DTNA: variants seen among roughly 807,000 people sequenced by gnomAD.
DTNA encodes the protein dystrobrevin alpha.
A neutral mutation model predicts 100.7 loss-of-function variants in DTNA; 43 were observed. The ratio of observed to expected loss-of-function variants is 0.43; its 90% CI spans 0.33 to 0.55. The LOEUF is 0.55. Among genes scored for constraint, DTNA ranks in the 20% least tolerant of loss-of-function variants. The pLI is 0.04. For synonymous variants in DTNA, 349 were observed against 347.9 expected, an observed-to-expected ratio of 1.00 and a Z score of -0.04; for missense variants, 798 against 953.9, an observed-to-expected ratio of 0.84 and a Z score of 2.15.
At chr18:34,801,314 C>T (rs925059960) in intron 4 of DTNA, among the ~76,000 whole-genome samples, 1 of 151,860 alleles carries the variant, frequency 6.6e-6, no homozygotes, top group Non-Finnish European at 1.5e-5. Context: ...TTTTGAATGT[C>T]GATCTAGAAC....
intron 1 of DTNA, among the ~76,000 whole-genome samples, chr18:34,605,057 A>G (rs1220721817): frequency 6.6e-6 from 1 of 151,752 alleles, no homozygotes; most frequent in Non-Finnish European, 1.5e-5. Context: ...TGCATACATT[A>G]TTTTACAAAA....
chr18:34,800,341 T>C (rs2095160270), intron 4 of DTNA, among the ~76,000 whole-genome samples: 1 of 152,204 alleles, frequency 6.6e-6, no homozygotes, highest in African/African-American at 2.4e-5. Flanking sequence ...TGACCCTTTA[T>C]CTCCAACATG....
intron 1 of DTNA, among the ~76,000 whole-genome samples, chr18:34,549,256 C>T (rs763911471): frequency 6.6e-6 from 1 of 152,058 alleles, no homozygotes; most frequent in Admixed American, 6.6e-5. Flanking sequence ...GAACATAAAT[C>T]GGCATCTTCT....
intron 11 of DTNA, among the ~76,000 whole-genome samples, chr18:34,835,234 G>T (rs1011404278): frequency 2.6e-5 from 4 of 152,222 alleles, no homozygotes; most frequent in African/African-American, 9.6e-5. Flanking sequence ...TCTGGCACTA[G>T]AAATTAAGAG....
Position 34,623,819 on chromosome 18 carries a change from C to T in DTNA, c.-2+130305C>T, listed in dbSNP as rs553169001. On this transcript the variant is annotated intron_variant, in intron 1 of 19. Transcript: ENST00000283365. The stretch of plus-strand genomic sequence containing the variant: ...AATGCAGTCACACCATTGAATGAGG[C>T]ATCAGTGTTGTTCTCTGAAAGCTGC... Among the ~76,000 whole-genome samples, 4 of 152,312 alleles carry T rather than the reference C, an allele frequency of 2.6e-5. No individual in the cohort carries two copies. In the South Asian group the frequency reaches 6.2e-4, roughly 24 times the overall value.
At chr18:34,493,927 G>C (rs2038853895) in intron 1 of DTNA, 1 of 148,002 alleles carries the variant, frequency 6.8e-6, no homozygotes, top group Non-Finnish European at 1.5e-5. Flanking sequence ...ACTGCGGCGC[G>C]GCGCCTCCCC....
At chr18:34,633,856 T>C (rs1342863671) in intron 1 of DTNA, among the ~76,000 whole-genome samples, 3 of 152,196 alleles carry the variant, frequency 2.0e-5, no homozygotes, top group East Asian at 1.9e-4. Flanking sequence ...AAAACTTCAA[T>C]CAACTGTTTG....
chr18:34,567,354 T>C (rs193302376), intron 1 of DTNA, among the ~76,000 whole-genome samples: 1 of 152,330 alleles, frequency 6.6e-6, no homozygotes, highest in Admixed American at 6.5e-5. Flanking sequence ...AGTTGAGCTT[T>C]AAAATTAGGT....
intron 1 of DTNA, among the ~76,000 whole-genome samples, chr18:34,516,241 GT>G (rs2041601184): frequency 6.6e-6 from 1 of 152,106 alleles, no homozygotes; most frequent in African/African-American, 2.4e-5. Flanking sequence ...AAACTAGCAA[GT>G]TTTTATTAGT....
intron 1 of DTNA, among the ~76,000 whole-genome samples, chr18:34,727,847 G>A (rs1388168152): frequency 1.3e-5 from 2 of 152,150 alleles, no homozygotes; most frequent in African/African-American, 2.4e-5. Context: ...TTACAGGTGT[G>A]AGCCACTGCA....
intron 1 of DTNA, among the ~76,000 whole-genome samples, chr18:34,702,616 T>C (rs1234976357): frequency 6.6e-6 from 1 of 152,178 alleles, no homozygotes; most frequent in Non-Finnish European, 1.5e-5. Context: ...TCTCCCTTGA[T>C]CTAGCCCCTA....
chr18:34,603,045 A>G (rs1041076438), intron 1 of DTNA, among the ~76,000 whole-genome samples: 2 of 151,602 alleles, frequency 1.3e-5, no homozygotes, highest in Admixed American at 1.3e-4. Context: ...ATTTAATTTA[A>G]TTTTAAAAAA....
At chr18:34,708,541 A>G (rs534686161), upstream of DTNA, among the ~76,000 whole-genome samples, 86 of 152,308 alleles carry the variant, frequency 5.6e-4, no homozygotes, top group African/African-American at 2.0e-3. Context: ...CATACTAGAA[A>G]TATGCTTAAC....
chr18:34,562,384 G>T (rs2046718537), intron 1 of DTNA, among the ~76,000 whole-genome samples: 1 of 152,156 alleles, frequency 6.6e-6, no homozygotes, highest in African/African-American at 2.4e-5. Flanking sequence ...ATGAACTATA[G>T]TTCTGCGCAA....
At position 34,889,452 on chromosome 18, in the gene DTNA, T is replaced by C; in HGVS notation, c.*1718T>C. On this transcript the variant is annotated 3_prime_UTR_variant, in exon 23 of 23. Coordinates refer to ENST00000444659, the MANE Select transcript of DTNA (RefSeq NM_001386795.1). Reference sequence around the variant, plus strand: ...GAATGAAGTCGTATAATAAAGTCTCTGAAAAGGCCTTATTCAGAATAAGCA... The same window carrying C: ...GAATGAAGTCGTATAATAAAGTCTCCGAAAAGGCCTTATTCAGAATAAGCA... 1 of 985,392 alleles carries C rather than the reference T, an allele frequency of 1.0e-6. No individual in the cohort carries two copies. Among genetic ancestry groups the C allele is most frequent in the Non-Finnish European group, 1.2e-6 (1 of 829,934 alleles). 61.0% of individuals were successfully genotyped at this position (985,392 alleles called of 1,614,324 possible).
intron 1 of DTNA, among the ~76,000 whole-genome samples, chr18:34,639,880 A>C (rs752547864): frequency 1.3e-5 from 2 of 152,212 alleles, no homozygotes; most frequent in African/African-American, 2.4e-5. Flanking sequence ...GGCAGATAAC[A>C]ACAGCAGAAG....
At chr18:34,569,393 A>G (rs749864121) in intron 1 of DTNA, among the ~76,000 whole-genome samples, 5 of 152,154 alleles carry the variant, frequency 3.3e-5, no homozygotes, top group Non-Finnish European at 7.4e-5. Context: ...GGAGGAGTGA[A>G]CCAATAAAGA....
chr18:34,621,088 C>G (rs1194886829), intron 1 of DTNA, among the ~76,000 whole-genome samples: 1 of 151,196 alleles, frequency 6.6e-6, no homozygotes, highest in East Asian at 1.9e-4. Context: ...CTCCTTCTCT[C>G]AGTTCTACAA....
intron 5 of DTNA, among the ~76,000 whole-genome samples, chr18:34,807,233 G>T (rs532720795): frequency 1.7e-4 from 26 of 152,316 alleles, no homozygotes; most frequent in African/African-American, 6.0e-4. Context: ...TCCCTAAATA[G>T]TATGAGTTGG....
Sources: gnomAD v4.1 joint callset for allele counts (sites outside exome capture counted in the v4.1 genomes callset) on GRCh38, gnomAD v4.1.1 for gene constraint, MANE v1.5 for transcripts, NCBI Gene and HGNC (gene_info 2026-07-23, HGNC 2026-07-21) for gene names.